MXRA7: variants seen among roughly 807,000 people sequenced by gnomAD.
MXRA7 encodes the protein matrix remodeling associated 7.
In MXRA7, 18 loss-of-function variants were observed where a neutral mutation model predicts 17.4. The observed-to-expected ratio is 1.03, with a 90% CI of 0.71 to 1.53. The LOEUF (loss-of-function observed/expected upper bound fraction) is 1.53. Among genes scored for constraint, MXRA7 ranks in the 40% most tolerant of loss-of-function variants. The pLI is 0.00. For synonymous variants in MXRA7, 70 were observed against 101.7 expected (o/e 0.69, Z 1.87); for missense variants, 141 against 209.3 (o/e 0.67, Z 2.01).
chr17:76,676,318 C>G (rs1471669076), downstream of MXRA7: 3 of 152,194 alleles, frequency 2.0e-5, no homozygotes. Context: ...TAATTAAATA[C>G]AATTAGGCAA....
At chr17:76,708,737 A>G (rs1425529716) in intron 1 of MXRA7, among the ~76,000 whole-genome samples, 1 of 152,134 alleles carries the variant, frequency 6.6e-6, no homozygotes, top group Non-Finnish European at 1.5e-5. Flanking sequence ...TGCAGGCAGG[A>G]GTTTTGGGGG....
intron 1 of MXRA7, among the ~76,000 whole-genome samples, chr17:76,701,358 G>GC (rs201407798): frequency 2.1e-5 from 3 of 145,234 alleles, no homozygotes; most frequent in African/African-American, 7.9e-5. Flanking sequence ...GCTGAGCGTC[G>GC]GGGGGGTGGA....
At chr17:76,688,558 T>C (rs2076437414) in intron 1 of MXRA7, 3 of 1,271,676 alleles carry the variant, frequency 2.4e-6, no homozygotes, top group Middle Eastern at 2.0e-4. Flanking sequence ...GGTGTCTGTC[T>C]GGGACCAGGG....
Position 76,706,335 on chromosome 17 carries a change from G to A in MXRA7, c.342+4270C>T, listed in dbSNP as rs573450481. Among the ~76,000 whole-genome samples the A allele has an allele frequency of 3.5e-3, 281 of 81,288 alleles. 59 individuals carry two copies. Among genetic ancestry groups the A allele is most frequent in the African/African-American group, 0.011 (266 of 25,182 alleles). The allele number at this position is 81,288 out of a possible 152,430, so 53.3% of individuals were successfully genotyped here. A position where few individuals can be genotyped will look rare whatever the true frequency, so the allele number is the denominator to read the frequency against. On this transcript the variant is annotated intron_variant, in intron 1 of 3. Coordinates refer to ENST00000449428, the MANE Select transcript of MXRA7 (RefSeq NM_198530.4). ...CGCTGCCATCACAAAGGACCACGCT[G>A]CCATCACAGAGGCCCACTCTGCCAT...
chr17:76,703,882 T>A (rs1322277009), intron 1 of MXRA7, among the ~76,000 whole-genome samples: 1 of 152,014 alleles, frequency 6.6e-6, no homozygotes, highest in African/African-American at 2.4e-5. Context: ...ATGGGTTTTC[T>A]CTGGGCCATC....
chr17:76,704,781 C>CAAAA lies in MXRA7; in HGVS notation c.342+5820_342+5823dup, dbSNP rs34446989. Among the ~76,000 whole-genome samples the CAAAA allele has an allele frequency of 2.1e-3, 195 of 92,864 alleles. 2 individuals carry two copies. The highest frequency in any genetic ancestry group is 7.9e-3 in the African/African-American group (182 of 22,916). The allele number at this position is 92,864 out of a possible 152,430, so 60.9% of individuals were successfully genotyped here. A position where few individuals can be genotyped will look rare whatever the true frequency, so the allele number is the denominator to read the frequency against. ...GGGCGACAAGAGCAAAACTCCGTCT[C>CAAAA]AAAAAAAAAAAAAAAAAAAAGAATG... On this transcript the variant is annotated intron_variant, in intron 1 of 3. Coordinates refer to ENST00000449428, the MANE Select transcript of MXRA7 (RefSeq NM_198530.4).
intron 1 of MXRA7, among the ~76,000 whole-genome samples, chr17:76,707,579 C>T (rs1445072030): frequency 6.6e-6 from 1 of 152,142 alleles, no homozygotes; most frequent in Non-Finnish European, 1.5e-5. Flanking sequence ...GCTGGGATTA[C>T]AGGTGTGAGC....
intron 2 of MXRA7, among the ~76,000 whole-genome samples, chr17:76,686,102 T>C (rs934141843): frequency 6.6e-6 from 1 of 152,160 alleles, no homozygotes; most frequent in African/African-American, 2.4e-5. Flanking sequence ...GCCTTCATGC[T>C]ACCGGATAGG....
chr17:76,690,377 TTTTC>T (rs1464097787), intron 1 of MXRA7, among the ~76,000 whole-genome samples: 1 of 152,040 alleles, frequency 6.6e-6, no homozygotes, highest in Non-Finnish European at 1.5e-5. Context: ...AGACCCCATT[TTTTC>T]TTTATTTATT....
intron 1 of MXRA7, chr17:76,688,777 G>A (rs533560319): frequency 5.9e-6 from 5 of 844,778 alleles, no homozygotes; most frequent in South Asian, 1.3e-4. Context: ...TTGCAGGAAT[G>A]TCAGAGGATG....
chr17:76,710,377 ACTC>A (rs1260324309), intron 1 of MXRA7, among the ~76,000 whole-genome samples: 1 of 151,640 alleles, frequency 6.6e-6, no homozygotes, highest in African/African-American at 2.4e-5. Context: ...CTCCAAACAA[ACTC>A]CTTCGGGCTC....
rs1339996693 is a variant in MXRA7, at chr17:76,680,302, C to T, written c.*565G>A. On this transcript the variant is annotated 3_prime_UTR_variant, in exon 4 of 4. Transcript: ENST00000449428. The stretch of plus-strand genomic sequence containing the variant: ...ATTCCTGGTACTGGTTCTTTGCTGC[C>T]CTGTAATCAATATGGCATCTCACCC... 2.0e-6 allele frequency: 2 copies of T among 984,984 alleles called. No homozygotes were observed. Among genetic ancestry groups the T allele is most frequent in the Non-Finnish European group, 2.4e-6 (2 of 829,872 alleles). The allele number at this position is 984,984 out of a possible 1,614,324, so 61.0% of individuals were successfully genotyped here. A position where few individuals can be genotyped will look rare whatever the true frequency, so the allele number is the denominator to read the frequency against.
At chr17:76,710,563 C>T in intron 1 of MXRA7, 42 bp downstream of exon 1, 4 of 1,243,534 alleles carry the variant, frequency 3.2e-6, no homozygotes, top group South Asian at 2.5e-5. Flanking sequence ...GCAGCCGGAG[C>T]CCCGGGGGTG....
Position 76,679,619 on chromosome 17 carries a change from A to G in MXRA7, c.*1248T>C. The G allele has an allele frequency of 1.0e-6, 1 of 973,476 alleles. No individual in the cohort carries two copies. The highest frequency in any genetic ancestry group is 1.1e-4 in the East Asian group (1 of 8,764). 60.3% of individuals were successfully genotyped at this position (973,476 alleles called of 1,614,324 possible). On this transcript the variant is annotated 3_prime_UTR_variant, in exon 4 of 4. Transcript: ENST00000449428. ...TGGACTGAACAAAGGCTGAATACAG[A>G]GATCCAAGCCATGAGGAGTACATGA...
chr17:76,688,247 G>A (rs2076427861), intron 1 of MXRA7, 71 bp from the exon 2 acceptor site: 4 of 1,601,260 alleles, frequency 2.5e-6, no homozygotes, highest in Non-Finnish European at 3.4e-6. Context: ...GGGGCAGAAG[G>A]TAGGGGAGAC....
At chr17:76,683,034 G>A (rs1567977153) in intron 3 of MXRA7, among the ~76,000 whole-genome samples, 2 of 152,166 alleles carry the variant, frequency 1.3e-5, no homozygotes, top group African/African-American at 4.8e-5. Context: ...AGCTCTGGAC[G>A]TGGGTGGCAG....
intron 3 of MXRA7, among the ~76,000 whole-genome samples, chr17:76,684,126 C>T (rs75635193): frequency 5.3e-5 from 8 of 152,018 alleles, no homozygotes; most frequent in African/African-American, 1.4e-4. Flanking sequence ...GGCCTGTCAC[C>T]GGCAGAGCAG....
At chr17:76,688,064 C>T in intron 2 of MXRA7, 49 bp downstream of exon 2, 1 of 1,593,660 alleles carries the variant, frequency 6.3e-7, no homozygotes, top group Non-Finnish European at 8.6e-7. Context: ...GGACACAGAC[C>T]ACCCCCGACA....
chr17:76,703,904 A>C (rs35461493), intron 1 of MXRA7, among the ~76,000 whole-genome samples: 65,366 of 151,248 alleles, frequency 0.43, 14,329 homozygotes, highest in Non-Finnish European at 0.46. Context: ...AATCTCATGC[A>C]GACATTGTTT....
Sources: allele counts gnomAD v4.1 joint callset (sites outside exome capture counted in the v4.1 genomes callset), GRCh38; gene constraint gnomAD v4.1.1; transcripts MANE v1.5; gene names NCBI Gene and HGNC (gene_info 2026-07-23, HGNC 2026-07-21).